The following GRID2 variants were observed in gnomAD, a reference collection of about 807,000 sequenced individuals.
GRID2 encodes the protein glutamate receptor ionotropic, delta-2.
GRID2 carries 33 observed loss-of-function variants against 114.8 expected under a neutral mutation model. The ratio of observed to expected loss-of-function variants is 0.29; its 90% CI spans 0.22 to 0.38. The LOEUF (loss-of-function observed/expected upper bound fraction) is 0.38, where lower values mean the gene tolerates loss of function less well. Among genes scored for constraint, GRID2 ranks in the 10% least tolerant of loss-of-function variants. The pLI, the probability that GRID2 is intolerant of heterozygous loss-of-function variation, is 1.00. For missense variants in GRID2, 1,184 were observed against 1,257.7 expected, an observed-to-expected ratio of 0.94 and a Z score of 0.89; for synonymous variants, 505 against 449.9, an observed-to-expected ratio of 1.12 and a Z score of -1.55.
At chr4:93,675,478 T>G (rs889316640) in intron 14 of GRID2, among the ~76,000 whole-genome samples, 1 of 152,232 alleles carries the variant, frequency 6.6e-6, no homozygotes, top group East Asian at 1.9e-4. Flanking sequence ...AAACACCTAC[T>G]GCATATTAAA....
chr4:92,866,760 C>T (rs1323941067), intron 2 of GRID2, among the ~76,000 whole-genome samples: 1 of 151,738 alleles, frequency 6.6e-6, no homozygotes, highest in Admixed American at 6.6e-5. Flanking sequence ...ACCGTGTTAG[C>T]CAGGATGGTC....
chr4:92,502,600 T>A (rs1481944630), intron 1 of GRID2, among the ~76,000 whole-genome samples: 1 of 151,382 alleles, frequency 6.6e-6, no homozygotes, highest in Non-Finnish European at 1.5e-5. Flanking sequence ...TAAATTTTGA[T>A]ACAAAGATAT....
At chr4:93,525,939 G>T (rs1011997250) in intron 13 of GRID2, among the ~76,000 whole-genome samples, 4 of 152,074 alleles carry the variant, frequency 2.6e-5, no homozygotes, top group Non-Finnish European at 5.9e-5. Flanking sequence ...AAATATCCAA[G>T]GTATTGCCTT....
In GRID2 at chr4:92,796,818, C is replaced by A. The variant is rs556072230; in HGVS notation, c.244+206532C>A. 7.2e-5 allele frequency among the ~76,000 whole-genome samples: 11 copies of A among 151,926 alleles called. 1 individual carries two copies. The highest frequency in any genetic ancestry group is 5.3e-4 in the Admixed American group (8 of 15,214). On this transcript the variant is annotated intron_variant, in intron 2 of 15. Transcript: ENST00000282020. ...AATTCTAGAACTTTAGACTTTTCCC[C>A]TTCCTCGTCAGATAATGACTTCACT... is the stretch of plus-strand genomic sequence containing the variant.
At chr4:93,465,905 A>T (rs1040909968) in intron 11 of GRID2, among the ~76,000 whole-genome samples, 1 of 152,210 alleles carries the variant, frequency 6.6e-6, no homozygotes, top group Non-Finnish European at 1.5e-5. Context: ...TAAGCATGTC[A>T]TTACTACATG....
intron 2 of GRID2, among the ~76,000 whole-genome samples, chr4:92,893,482 A>C (rs1484900529): frequency 6.6e-6 from 1 of 152,140 alleles, no homozygotes; most frequent in African/African-American, 2.4e-5. Context: ...ACATTAGGCA[A>C]ATCACTGAAC....
intron 14 of GRID2, among the ~76,000 whole-genome samples, chr4:93,683,497 C>G (rs1229646649): frequency 1.3e-5 from 2 of 152,034 alleles, no homozygotes; most frequent in Non-Finnish European, 2.9e-5. Context: ...TTGGTTCTTT[C>G]TTGAAATTGG....
chr4:93,076,942 T>A (rs1302265185), intron 2 of GRID2, among the ~76,000 whole-genome samples: 1 of 152,202 alleles, frequency 6.6e-6, no homozygotes. Context: ...TTTCATTAAA[T>A]TGTCATTCCT....
chr4:92,605,776 C>T (rs1729423954), intron 2 of GRID2, among the ~76,000 whole-genome samples: 1 of 152,054 alleles, frequency 6.6e-6, no homozygotes, highest in Non-Finnish European at 1.5e-5. Context: ...TTATTTCCAT[C>T]ATCAATGTCA....
chr4:93,159,755 G>C (rs1396204851), intron 4 of GRID2, among the ~76,000 whole-genome samples: 1 of 138,320 alleles, frequency 7.2e-6, no homozygotes, highest in Non-Finnish European at 1.5e-5. Context: ...TCTTAGCAAA[G>C]ACATCATTTA....
chr4:93,624,300 T>C (rs1444374431), intron 13 of GRID2, among the ~76,000 whole-genome samples: 2 of 152,138 alleles, frequency 1.3e-5, no homozygotes, highest in Non-Finnish European at 2.9e-5. Flanking sequence ...TGGATGATAA[T>C]TTTTTCCTAA....
chr4:93,361,004 T>A, intron 8 of GRID2, among the ~76,000 whole-genome samples: 1 of 152,224 alleles, frequency 6.6e-6, no homozygotes, highest in East Asian at 1.9e-4. Context: ...GCATATTGAA[T>A]AATTTTTCTC....
chr4:93,116,032 C>A (rs1733213781), intron 4 of GRID2, among the ~76,000 whole-genome samples: 1 of 152,022 alleles, frequency 6.6e-6, no homozygotes, highest in African/African-American at 2.4e-5. Flanking sequence ...CATCTCTTAC[C>A]TACCTTTTCT....
intron 8 of GRID2, among the ~76,000 whole-genome samples, chr4:93,372,571 C>T (rs1763033032): frequency 6.6e-6 from 1 of 151,968 alleles, no homozygotes; most frequent in Admixed American, 6.6e-5. Context: ...TTTTACGATC[C>T]CTGGGAGGAC....
At chr4:92,522,349 C>T (rs1315477855) in intron 1 of GRID2, among the ~76,000 whole-genome samples, 2 of 151,888 alleles carry the variant, frequency 1.3e-5, no homozygotes, top group Non-Finnish European at 2.9e-5. Context: ...AAAAGATGAA[C>T]AGAGAGCAAG....
At chr4:93,441,863 C>CAA (rs10670834) in intron 10 of GRID2, among the ~76,000 whole-genome samples, 113 of 150,846 alleles carry the variant, frequency 7.5e-4, no homozygotes, top group Middle Eastern at 6.8e-3. Flanking sequence ...TAACTAAGAA[C>CAA]AAAAAAAAAT....
At chr4:93,108,338 T>C (rs4693305) in intron 3 of GRID2, among the ~76,000 whole-genome samples, 67,527 of 152,026 alleles carry the variant, frequency 0.44, 15,651 homozygotes, top group Admixed American at 0.59. Context: ...TAGCTCCTAG[T>C]ATTGTGTCTA....
intron 1 of GRID2, among the ~76,000 whole-genome samples, chr4:92,507,754 C>A (rs1368709167): frequency 1.3e-5 from 2 of 151,818 alleles, no homozygotes; most frequent in Non-Finnish European, 2.9e-5. Context: ...TGCTTCCTGG[C>A]AAACAACATA....
rs193076211 is a variant in GRID2 at position 93,140,103 on chromosome 4, G to C, written c.735+29150G>C. Reference sequence around the variant, plus strand: ...GGATGTGCCAAGTAAGGGTTTGATCGTCTCTGCCATCCCTTAATCTCCATT... The same window carrying C: ...GGATGTGCCAAGTAAGGGTTTGATCCTCTCTGCCATCCCTTAATCTCCATT... On this transcript the variant is annotated intron_variant, in intron 4 of 15. Coordinates refer to ENST00000282020, the MANE Select transcript of GRID2 (RefSeq NM_001510.4). 2.4e-3 allele frequency among the ~76,000 whole-genome samples: 370 copies of C among 151,244 alleles called. 1 individual carries two copies. Among genetic ancestry groups the C allele is most frequent in the Non-Finnish European group, 3.3e-3 (224 of 67,848 alleles).
Sources: gnomAD v4.1 joint callset for allele counts (sites outside exome capture counted in the v4.1 genomes callset) on GRCh38, gnomAD v4.1.1 for gene constraint, MANE v1.5 for transcripts, NCBI Gene and HGNC (gene_info 2026-07-23, HGNC 2026-07-21) for gene names.